CACNA2D3: variants seen among roughly 807,000 people sequenced by gnomAD.
The protein encoded by CACNA2D3 is calcium voltage-gated channel auxiliary subunit alpha2delta 3, also known as voltage-dependent calcium channel subunit alpha-2/delta-3.
Under a neutral mutation model 160.6 loss-of-function variants are expected in CACNA2D3, and 60 were observed. The observed-to-expected ratio is 0.37, with a 90% CI of 0.30 to 0.46. CACNA2D3 has a LOEUF of 0.46. CACNA2D3 is among the 20% of genes least tolerant of loss of function. The pLI, the probability that CACNA2D3 is intolerant of heterozygous loss-of-function variation, is 1.00. For missense variants in CACNA2D3, 1,205 were observed against 1,365.0 expected (o/e 0.88, Z 1.85); for synonymous variants, 558 against 492.9 (o/e 1.13, Z -1.75).
At chr3:54,874,091 A>G (rs2106826473) in intron 18 of CACNA2D3, among the ~76,000 whole-genome samples, 1 of 152,362 alleles carries the variant, frequency 6.6e-6, no homozygotes. Context: ...TCTAGGAAGT[A>G]GGCTCCTGAA....
chr3:54,690,194 T>A (rs972035850), intron 11 of CACNA2D3, among the ~76,000 whole-genome samples: 2 of 152,134 alleles, frequency 1.3e-5, no homozygotes, highest in African/African-American at 2.4e-5. Context: ...TTTCTATTGA[T>A]CTTGTCATCA....
intron 5 of CACNA2D3, among the ~76,000 whole-genome samples, chr3:54,557,825 C>G (rs932703126): frequency 1.3e-5 from 2 of 152,146 alleles, no homozygotes; most frequent in Non-Finnish European, 2.9e-5. Flanking sequence ...CTGATTGGGT[C>G]ATTTTCACAC....
At chr3:54,653,087 G>A (rs959958699) in intron 11 of CACNA2D3, among the ~76,000 whole-genome samples, 7 of 152,108 alleles carry the variant, frequency 4.6e-5, no homozygotes, top group African/African-American at 1.7e-4. Context: ...CGGACATATG[G>A]GAGGCTTTTG....
At chr3:54,672,423 TCC>T (rs1700177764) in intron 11 of CACNA2D3, among the ~76,000 whole-genome samples, 3 of 152,140 alleles carry the variant, frequency 2.0e-5, no homozygotes, top group African/African-American at 4.8e-5. Context: ...AGTTCTAACC[TCC>T]CGTTGGCCTT....
intron 27 of CACNA2D3, among the ~76,000 whole-genome samples, chr3:54,915,256 C>G (rs955888248): frequency 6.6e-5 from 10 of 152,232 alleles, no homozygotes; most frequent in African/African-American, 2.2e-4. Context: ...TCCAAAATCT[C>G]TATGGCAGAG....
chr3:54,254,913 C>T lies in CACNA2D3; in HGVS notation c.205-65529C>T, dbSNP rs144148990. On this transcript the variant is annotated intron_variant, in intron 2 of 37. Transcript: ENST00000474759. ...GTGAAGAGCATTAATAGGACATCTT[C>T]CTGTCCTCCAGCCCCAGCTCAAAGG... is the stretch of plus-strand genomic sequence containing the variant. 1.7e-3 allele frequency among the ~76,000 whole-genome samples: 262 copies of T among 152,326 alleles called. 2 individuals are homozygous for T. Among genetic ancestry groups the T allele is most frequent in the African/African-American group, 6.0e-3 (250 of 41,570 alleles).
At chr3:54,672,432 C>T (rs527943105) in intron 11 of CACNA2D3, among the ~76,000 whole-genome samples, 6 of 152,220 alleles carry the variant, frequency 3.9e-5, no homozygotes, top group African/African-American at 1.4e-4. Flanking sequence ...CTCCCGTTGG[C>T]CTTTTTCTGA....
At chr3:54,196,779 G>C (rs1169068144) in intron 2 of CACNA2D3, among the ~76,000 whole-genome samples, 1 of 152,164 alleles carries the variant, frequency 6.6e-6, no homozygotes, top group Non-Finnish European at 1.5e-5. Context: ...TTGCACATGG[G>C]CTCAAGGGGC....
At chr3:54,354,864 C>T (rs764408900) in intron 3 of CACNA2D3, among the ~76,000 whole-genome samples, 16 of 152,122 alleles carry the variant, frequency 1.1e-4, no homozygotes, top group Non-Finnish European at 2.2e-4. Context: ...AGCTTTTGCT[C>T]AACAACAATC....
rs1553891454 is a variant in CACNA2D3 at position 54,859,972 on chromosome 3, GCACA to G, written c.1627-11528_1627-11525del. Among the ~76,000 whole-genome samples the G allele has an allele frequency of 4.8e-3, 638 of 133,868 alleles. 2 individuals carry two copies. Among genetic ancestry groups the G allele is most frequent in the African/African-American group, 0.013 (458 of 35,938 alleles). 87.8% of individuals were successfully genotyped at this position (133,868 alleles called of 152,430 possible). A position where few individuals can be genotyped will look rare whatever the true frequency, so the allele number is the denominator to read the frequency against. On this transcript the variant is annotated intron_variant, in intron 17 of 37. Transcript: ENST00000474759. ...TTAGAACATCATCTGGAAAGTAGAT[GCACA>G]CACACACACACACACACACACACAC... is the stretch of plus-strand genomic sequence containing the variant.
At chr3:54,967,348 A>G (rs2107064690) in intron 27 of CACNA2D3, among the ~76,000 whole-genome samples, 1 of 152,356 alleles carries the variant, frequency 6.6e-6, no homozygotes, top group East Asian at 1.9e-4. Flanking sequence ...GAGGTCCAGT[A>G]TAGTGGCACG....
chr3:54,877,942 A>G (rs560551251), intron 18 of CACNA2D3, among the ~76,000 whole-genome samples: 81 of 152,320 alleles, frequency 5.3e-4, no homozygotes, highest in African/African-American at 1.9e-3. Context: ...CAAAACCACA[A>G]AAGTTAAAAT....
In CACNA2D3 at chr3:54,578,778, T is replaced by G. The variant is rs570256077; in HGVS notation, c.889-3025T>G. Among the ~76,000 whole-genome samples the G allele has an allele frequency of 7.1e-4, 108 of 152,356 alleles. 1 individual carries two copies. The highest frequency in any genetic ancestry group is 2.4e-3 in the African/African-American group (100 of 41,592). On this transcript the variant is annotated intron_variant, in intron 8 of 37. Transcript: ENST00000474759. ...CAAGCATGGTTTTGATTACTGCACA[T>G]GTACCTCCCTGATGAGGGCAAGAAC...
At chr3:54,145,982 C>A (rs1157364260) in intron 2 of CACNA2D3, among the ~76,000 whole-genome samples, 4 of 152,144 alleles carry the variant, frequency 2.6e-5, no homozygotes, top group Non-Finnish European at 5.9e-5. Context: ...TGGGCCTAAT[C>A]TCACTGTTTT....
At chr3:54,598,810 TG>T (rs1703009392) in intron 9 of CACNA2D3, among the ~76,000 whole-genome samples, 1 of 152,226 alleles carries the variant, frequency 6.6e-6, no homozygotes, top group African/African-American at 2.4e-5. Flanking sequence ...CTCGTGTCCT[TG>T]GCCATTGGTC....
chr3:54,415,253 C>G (rs919958982), intron 4 of CACNA2D3, among the ~76,000 whole-genome samples: 1 of 152,008 alleles, frequency 6.6e-6, no homozygotes, highest in East Asian at 1.9e-4. Context: ...AGGGGAATGC[C>G]CTTAGGTTGT....
intron 2 of CACNA2D3, among the ~76,000 whole-genome samples, chr3:54,137,530 C>A (rs1699836539): frequency 6.6e-6 from 1 of 152,230 alleles, no homozygotes; most frequent in Non-Finnish European, 1.5e-5. Context: ...CCCTCAGGGG[C>A]CTTTTGGGCA....
At chr3:54,433,724 A>G (rs1700022005) in intron 4 of CACNA2D3, among the ~76,000 whole-genome samples, 1 of 152,180 alleles carries the variant, frequency 6.6e-6, no homozygotes, top group African/African-American at 2.4e-5. Context: ...CTTCTCACAC[A>G]TTATGAACAG....
chr3:54,628,442 A>G (rs1699169274), intron 10 of CACNA2D3, among the ~76,000 whole-genome samples: 1 of 152,172 alleles, frequency 6.6e-6, no homozygotes, highest in Non-Finnish European at 1.5e-5. Flanking sequence ...GTAGCGTCAT[A>G]GAGACACTAA....
Sources: allele counts gnomAD v4.1 joint callset (sites outside exome capture counted in the v4.1 genomes callset), GRCh38; gene constraint gnomAD v4.1.1; transcripts MANE v1.5; gene names NCBI Gene and HGNC (gene_info 2026-07-23, HGNC 2026-07-21).